The following PAX7 variants were observed in gnomAD, a reference collection of about 807,000 sequenced individuals.
PAX7 encodes paired box protein Pax-7.
Under a neutral mutation model 50.7 loss-of-function variants are expected in PAX7, and 18 were observed. The ratio of observed to expected loss-of-function variants is 0.36; its 90% CI spans 0.25 to 0.53. The LOEUF (loss-of-function observed/expected upper bound fraction) is 0.53. Ranked by LOEUF, PAX7 falls within the 20% of genes least tolerant of loss-of-function variation. The pLI, the probability that PAX7 is intolerant of heterozygous loss-of-function variation, is 0.93. For missense variants in PAX7, 644 were observed against 702.9 expected, an observed-to-expected ratio of 0.92 and a Z score of 0.95; for synonymous variants, 310 against 290.4, an observed-to-expected ratio of 1.07 and a Z score of -0.69.
chr1:18,638,374 A>G (rs1048168040), intron 4 of PAX7, among the ~76,000 whole-genome samples: 2 of 152,328 alleles, frequency 1.3e-5, no homozygotes, highest in Non-Finnish European at 2.9e-5. Flanking sequence ...TTTGCTGGAT[A>G]GAGGTTTTCC....
intron 4 of PAX7, among the ~76,000 whole-genome samples, chr1:18,661,908 C>T (rs1030519930): frequency 3.3e-5 from 5 of 152,204 alleles, no homozygotes; most frequent in African/African-American, 1.2e-4. Context: ...TTTATGGGCA[C>T]AGGAAGCTTT....
chr1:18,697,880 G>A (rs987737864), intron 5 of PAX7, among the ~76,000 whole-genome samples: 4 of 139,588 alleles, frequency 2.9e-5, no homozygotes, highest in African/African-American at 1.0e-4. Flanking sequence ...GGCAGTTTGA[G>A]GGCTAGGAGT....
chr1:18,650,908 A>C (rs2088420075), intron 4 of PAX7, among the ~76,000 whole-genome samples: 1 of 152,160 alleles, frequency 6.6e-6, no homozygotes, highest in Non-Finnish European at 1.5e-5. Flanking sequence ...TGGGGCTGGC[A>C]GGGCAAGACC....
chr1:18,718,647 CTT>C (rs11367355), intron 7 of PAX7, among the ~76,000 whole-genome samples: 30 of 144,018 alleles, frequency 2.1e-4, no homozygotes, highest in East Asian at 8.1e-4. Context: ...TTGACCCTTC[CTT>C]TTTTTTTTTT....
At chr1:18,679,530 T>C (rs558421972) in intron 4 of PAX7, among the ~76,000 whole-genome samples, 26 of 152,318 alleles carry the variant, frequency 1.7e-4, no homozygotes, top group African/African-American at 5.8e-4. Context: ...TTGAGACCTC[T>C]CCTTAGGCCT....
At chr1:18,652,611 C>T (rs1176603356) in intron 4 of PAX7, among the ~76,000 whole-genome samples, 1 of 152,220 alleles carries the variant, frequency 6.6e-6, no homozygotes, top group Non-Finnish European at 1.5e-5. Flanking sequence ...AAAACATCTA[C>T]TACTTAGGAC....
At chr1:18,727,065 G>A (rs1237837013) in intron 7 of PAX7, among the ~76,000 whole-genome samples, 1 of 151,966 alleles carries the variant, frequency 6.6e-6, no homozygotes, top group Non-Finnish European at 1.5e-5. Flanking sequence ...GCATGCACAT[G>A]CAATACTTAT....
rs771808149 is a variant in PAX7 at position 18,634,938 on chromosome 1, G to A, written c.322-173G>A. Among the ~76,000 whole-genome samples the A allele has an allele frequency of 6.6e-5, 10 of 152,116 alleles. No homozygotes were observed. The highest frequency in any genetic ancestry group is 1.2e-4 in the Non-Finnish European group (8 of 68,020). ...GGCCAGACCCCCAGCTGCCTTCCTGGGAGCCAGGAACCGGTTTCTTGAAAG... is the reference window on the plus strand; with the variant it reads ...GGCCAGACCCCCAGCTGCCTTCCTGAGAGCCAGGAACCGGTTTCTTGAAAG... On this transcript the variant is annotated intron_variant, in intron 2 of 8. Coordinates refer to ENST00000420770, the MANE Select transcript of PAX7 (RefSeq NM_001135254.2). The surrounding 1 kb of genome is among the most constrained non-coding windows in gnomAD (Gnocchi z 4.0).
intron 8 of PAX7, among the ~76,000 whole-genome samples, chr1:18,740,029 G>A (rs149967810): frequency 1.3e-4 from 20 of 152,272 alleles, no homozygotes; most frequent in African/African-American, 3.4e-4. Context: ...ATTGTTTACC[G>A]GTTGGCATCA....
chr1:18,690,812 A>G (rs2089057945), intron 4 of PAX7, among the ~76,000 whole-genome samples: 2 of 152,230 alleles, frequency 1.3e-5, no homozygotes, highest in African/African-American at 4.8e-5. Context: ...AGACCCTGGG[A>G]CATCCCAGAG....
chr1:18,638,508 A>G (rs1374855199), intron 4 of PAX7, among the ~76,000 whole-genome samples: 3 of 152,238 alleles, frequency 2.0e-5, no homozygotes, highest in Admixed American at 1.3e-4. Flanking sequence ...GATCTTATGC[A>G]GTGAGCCTGG....
chr1:18,638,119 A>G (rs1415448705), intron 4 of PAX7, among the ~76,000 whole-genome samples: 1 of 152,260 alleles, frequency 6.6e-6, no homozygotes, highest in Non-Finnish European at 1.5e-5. Context: ...TTCTGAGGTT[A>G]TCCCAGGGAG....
rs529993217 is a variant in PAX7, at chr1:18,652,561, C to G, written c.586+16190C>G. 3.3e-5 allele frequency among the ~76,000 whole-genome samples: 5 copies of G among 152,238 alleles called. No individual in the cohort carries two copies. The South Asian group carries it at 1.0e-3, about 32-fold the overall frequency. On this transcript the variant is annotated intron_variant, in intron 4 of 8. Coordinates refer to ENST00000420770, the MANE Select transcript of PAX7 (RefSeq NM_001135254.2). ...TGCCACCAGAAGAGGTGATATTTGACCTGAAACCTGGATGGAAGGAAAGAG... is the reference window on the plus strand; with the variant it reads ...TGCCACCAGAAGAGGTGATATTTGAGCTGAAACCTGGATGGAAGGAAAGAG...
At chr1:18,729,546 C>T (rs998219370) in intron 7 of PAX7, among the ~76,000 whole-genome samples, 8 of 152,132 alleles carry the variant, frequency 5.3e-5, no homozygotes, top group African/African-American at 1.9e-4. Flanking sequence ...ACTATCCTGC[C>T]CGTTAACTGG....
At chr1:18,665,138 CA>C (rs1436614389) in intron 4 of PAX7, among the ~76,000 whole-genome samples, 2 of 152,126 alleles carry the variant, frequency 1.3e-5, no homozygotes, top group Non-Finnish European at 2.9e-5. Flanking sequence ...CGAGCCTGGG[CA>C]CAGTAAGTGC....
rs187962038 is a variant in PAX7 at position 18,736,830 on chromosome 1, C to T, written c.1402+952C>T. On this transcript the variant is annotated intron_variant, in intron 8 of 8. Transcript: ENST00000420770. ...GACTTTAAATTAGTTCAAGTGAAAT[C>T]GGCATTTGAAATTCTGTTTCCCAGT... Among the ~76,000 whole-genome samples the T allele has an allele frequency of 1.5e-3, 226 of 152,344 alleles. 1 individual carries two copies. Among genetic ancestry groups the T allele is most frequent in the Middle Eastern group, 6.8e-3 (2 of 294 alleles).
chr1:18,700,905 T>TA lies in PAX7; in HGVS notation c.952+88dup, dbSNP rs1031770324. The TA allele has an allele frequency of 5.0e-6, 6 of 1,204,576 alleles. No individual in the cohort carries two copies. The highest frequency in any genetic ancestry group is 3.2e-5 in the African/African-American group (2 of 62,282). 74.6% of individuals were successfully genotyped at this position (1,204,576 alleles called of 1,614,324 possible). On this transcript the variant is annotated intron_variant, in intron 6 of 8. Coordinates refer to ENST00000420770, the MANE Select transcript of PAX7 (RefSeq NM_001135254.2). The surrounding 1 kb of genome is among the most constrained non-coding windows in gnomAD (Gnocchi z 4.8). ...CACTTACAAAGGCTCTTCTTTTTTTTATGACCATTTCTTACTTTCATGTAA... is the reference window on the plus strand; with the variant it reads ...CACTTACAAAGGCTCTTCTTTTTTTTAATGACCATTTCTTACTTTCATGTAA...
rs1931357987 is a variant in PAX7 at position 18,744,818 on chromosome 1, T to C, written c.1407T>C (p.Ala469=). ...GYQYGQYGQT[A]VDYLAKNVSL... is the part of the protein sequence containing the mutation. ...AGAGTCTCTTCTTTTTTCCAGCTGC[T>C]GTTGATTATCTGGCCAAAAATGTGA... The change falls in exon 9 of 9, where the codon GCT becomes GCC. Residue 469 remains alanine (A), a synonymous_variant. Coordinates refer to ENST00000420770, the MANE Select transcript of PAX7 (RefSeq NM_001135254.2). 1.3e-6 allele frequency: 2 copies of C among 1,547,776 alleles called. No individual in the cohort carries two copies. Among genetic ancestry groups the C allele is most frequent in the African/African-American group, 1.4e-5 (1 of 72,962 alleles).
intron 7 of PAX7, among the ~76,000 whole-genome samples, chr1:18,712,134 C>CTGATGGTCAGTGTGTAT (rs2089360247): frequency 6.6e-6 from 1 of 150,680 alleles, no homozygotes; most frequent in Non-Finnish European, 1.5e-5. Flanking sequence ...TAGGTGTGAA[C>CTGATGGTCAGTGTGTAT]TGATGGTCAG....
Sources: gnomAD v4.1 joint callset for allele counts (sites outside exome capture counted in the v4.1 genomes callset) on GRCh38, gnomAD v4.1.1 for gene constraint, Gnocchi (gnomAD v3.1) non-coding constraint, MANE v1.5 for transcripts, NCBI Gene and HGNC (gene_info 2026-07-23, HGNC 2026-07-21) for gene names.